Variants in CPNE8 observed in about 807,000 individuals in gnomAD.
CPNE8 encodes copine-8.
CPNE8 carries 45 observed loss-of-function variants against 81.5 expected under a neutral mutation model. The observed-to-expected ratio is 0.55, with a 90% CI of 0.44 to 0.71. The LOEUF (loss-of-function observed/expected upper bound fraction) is 0.71. Ranked by LOEUF, CPNE8 falls within the 30% of genes least tolerant of loss-of-function variation. The pLI is 0.00. For synonymous variants in CPNE8, 252 were observed against 226.3 expected, an observed-to-expected ratio of 1.11 and a Z score of -1.02; for missense variants, 594 against 672.1, an observed-to-expected ratio of 0.88 and a Z score of 1.28.
chr12:38,725,851 G>A (rs1247164892), intron 11 of CPNE8, among the ~76,000 whole-genome samples: 1 of 152,012 alleles, frequency 6.6e-6, no homozygotes, highest in Non-Finnish European at 1.5e-5. Context: ...TTTAGTTGAT[G>A]TTTAAATAGG....
intron 10 of CPNE8, among the ~76,000 whole-genome samples, chr12:38,730,980 T>A (rs1161131127): frequency 1.3e-5 from 2 of 151,934 alleles, no homozygotes; most frequent in African/African-American, 4.8e-5. Flanking sequence ...GGGGTAAGGA[T>A]TGAGTAAACA....
chr12:38,750,940 G>A (rs893308755), intron 10 of CPNE8, among the ~76,000 whole-genome samples: 1 of 152,158 alleles, frequency 6.6e-6, no homozygotes, highest in Non-Finnish European at 1.5e-5. Context: ...GAATTCCCAC[G>A]TGTTGTGGGA....
chr12:38,873,167 C>T (rs1321610751), intron 2 of CPNE8, 117 bp from the exon 3 acceptor site: 1 of 610,278 alleles, frequency 1.6e-6, no homozygotes, highest in Non-Finnish European at 2.9e-6. Context: ...TGCCTAATTC[C>T]TAGACTTACC....
intron 6 of CPNE8, among the ~76,000 whole-genome samples, chr12:38,779,097 A>C (rs1941993220): frequency 6.6e-6 from 1 of 152,170 alleles, no homozygotes; most frequent in African/African-American, 2.4e-5. Flanking sequence ...TATGAGTTTA[A>C]TATATTCAGC....
intron 7 of CPNE8, among the ~76,000 whole-genome samples, chr12:38,768,396 T>C (rs1016078917): frequency 6.6e-6 from 1 of 152,178 alleles, no homozygotes; most frequent in Admixed American, 6.5e-5. Context: ...GCTACATGAT[T>C]TAAAGGAAAA....
chr12:38,704,121 G>C (rs1352624906), intron 13 of CPNE8, among the ~76,000 whole-genome samples: 1 of 152,096 alleles, frequency 6.6e-6, no homozygotes, highest in Non-Finnish European at 1.5e-5. Flanking sequence ...AAGAAGGGTG[G>C]CTTGAGGGCT....
intron 1 of CPNE8, among the ~76,000 whole-genome samples, chr12:38,893,872 C>T (rs1944348349): frequency 6.6e-6 from 1 of 152,154 alleles, no homozygotes; most frequent in Non-Finnish European, 1.5e-5. Flanking sequence ...GAGGAATTGT[C>T]TATCTAAAGA....
chr12:38,747,966 A>C (rs1234069050), intron 10 of CPNE8, among the ~76,000 whole-genome samples: 1 of 152,136 alleles, frequency 6.6e-6, no homozygotes, highest in Non-Finnish European at 1.5e-5. Context: ...GCATACTCCC[A>C]AATAAGTAAG....
At chr12:38,743,062 A>T (rs1941146359) in intron 10 of CPNE8, among the ~76,000 whole-genome samples, 1 of 152,096 alleles carries the variant, frequency 6.6e-6, no homozygotes, top group African/African-American at 2.4e-5. Flanking sequence ...ACTTAACTAA[A>T]TACACAATTT....
chr12:38,854,433 C>CA, intron 3 of CPNE8, among the ~76,000 whole-genome samples: 1 of 116,162 alleles, frequency 8.6e-6, no homozygotes, highest in East Asian at 3.5e-4. Flanking sequence ...CCCTGACTAA[C>CA]ACACCCTGAT....
intron 1 of CPNE8, among the ~76,000 whole-genome samples, chr12:38,899,914 A>G (rs1944435165): frequency 6.6e-6 from 1 of 152,222 alleles, no homozygotes. Context: ...GAAGCACAGC[A>G]CTGCAGAATA....
chr12:38,801,035 T>C (rs1481623798), intron 6 of CPNE8, among the ~76,000 whole-genome samples: 1 of 149,756 alleles, frequency 6.7e-6, no homozygotes. Context: ...GTCTGATTGG[T>C]GTACCTGAAA....
intron 10 of CPNE8, among the ~76,000 whole-genome samples, chr12:38,737,462 AT>A (rs1301038527): frequency 6.6e-6 from 1 of 152,158 alleles, no homozygotes; most frequent in Non-Finnish European, 1.5e-5. Context: ...ATTTTACTTT[AT>A]GTAGCATATA....
At chr12:38,756,035 G>A (rs1941451398) in intron 10 of CPNE8, among the ~76,000 whole-genome samples, 2 of 11,884 alleles carry the variant, frequency 1.7e-4, no homozygotes, top group Non-Finnish European at 3.1e-3. Context: ...GCGAGACTCC[G>A]TCTCAAAAAA....
intron 10 of CPNE8, among the ~76,000 whole-genome samples, chr12:38,751,258 G>A (rs746055976): frequency 1.3e-5 from 2 of 152,058 alleles, no homozygotes; most frequent in Non-Finnish European, 1.5e-5. Flanking sequence ...AAATTCTCAG[G>A]TATGTCTTTG....
intron 19 of CPNE8, among the ~76,000 whole-genome samples, chr12:38,659,221 GAA>G (rs146733623): frequency 1.8e-3 from 239 of 134,374 alleles, no homozygotes; most frequent in Non-Finnish European, 1.8e-3. Flanking sequence ...CAAATGGAAA[GAA>G]AAAAAAAAAA....
intron 16 of CPNE8, among the ~76,000 whole-genome samples, chr12:38,680,946 G>T (rs1461520732): frequency 2.0e-5 from 3 of 151,780 alleles, no homozygotes; most frequent in Admixed American, 6.6e-5. Flanking sequence ...ATAGCCAAAA[G>T]ATAGAAACTG....
At chr12:38,817,817 G>T (rs1311828985) in intron 6 of CPNE8, among the ~76,000 whole-genome samples, 2 of 151,808 alleles carry the variant, frequency 1.3e-5, no homozygotes, top group African/African-American at 4.8e-5. Flanking sequence ...TAGAGACAGG[G>T]TTTCACTGTG....
chr12:38,815,564 A>T (rs972432485), intron 6 of CPNE8, among the ~76,000 whole-genome samples: 11 of 152,172 alleles, frequency 7.2e-5, no homozygotes, highest in African/African-American at 2.2e-4. Context: ...TATTAACAAC[A>T]TGTCATTTCT....
Sources: gnomAD v4.1 joint callset for allele counts (sites outside exome capture counted in the v4.1 genomes callset) on GRCh38, gnomAD v4.1.1 for gene constraint, MANE v1.5 for transcripts, NCBI Gene and HGNC (gene_info 2026-07-23, HGNC 2026-07-21) for gene names.